Variants in IMMP2L observed in about 807,000 individuals in gnomAD.
The protein encoded by IMMP2L is inner mitochondrial membrane peptidase subunit 2.
A neutral mutation model predicts 19.3 loss-of-function variants in IMMP2L; 18 were observed. The ratio of observed to expected loss-of-function variants is 0.93; its 90% CI spans 0.64 to 1.38. The LOEUF (loss-of-function observed/expected upper bound fraction) is 1.38, where lower values mean the gene tolerates loss of function less well. Among genes scored for constraint, IMMP2L ranks in the 40% most tolerant of loss-of-function variants. The pLI is 0.00. For missense variants in IMMP2L, 233 were observed against 218.2 expected (o/e 1.07, Z -0.43); for synonymous variants, 76 against 73.0 (o/e 1.04, Z -0.21).
At chr7:111,434,711 G>A (rs1158492399) in intron 3 of IMMP2L, among the ~76,000 whole-genome samples, 1 of 151,572 alleles carries the variant, frequency 6.6e-6, no homozygotes, top group African/African-American at 2.4e-5. Context: ...CTTCCACCAT[G>A]CCCAGCTAAT....
intron 4 of IMMP2L, among the ~76,000 whole-genome samples, chr7:110,902,721 G>A (rs1387350464): frequency 5.1e-5 from 2 of 39,554 alleles, no homozygotes; most frequent in Non-Finnish European, 8.6e-5. Context: ...TCAGGAGATC[G>A]AGACCATCCC....
intron 3 of IMMP2L, among the ~76,000 whole-genome samples, chr7:111,022,045 A>C (rs535885051): frequency 2.6e-5 from 4 of 152,298 alleles, no homozygotes; most frequent in African/African-American, 9.6e-5. Context: ...GACACAGCCA[A>C]ACCATATCAC....
intron 3 of IMMP2L, among the ~76,000 whole-genome samples, chr7:111,346,828 G>A (rs903156549): frequency 6.6e-6 from 1 of 152,066 alleles, no homozygotes; most frequent in African/African-American, 2.4e-5. Flanking sequence ...ATGTGGCTCT[G>A]GTCAGACTCT....
chr7:110,848,646 G>A (rs1805903601), intron 5 of IMMP2L, among the ~76,000 whole-genome samples: 1 of 152,110 alleles, frequency 6.6e-6, no homozygotes, highest in African/African-American at 2.4e-5. Flanking sequence ...CCAAAACTGG[G>A]AAGCAATCAA....
intron 5 of IMMP2L, among the ~76,000 whole-genome samples, chr7:110,717,719 G>C (rs17476724): frequency 0.09 from 13,649 of 152,244 alleles, 642 homozygotes; most frequent in Middle Eastern, 0.16. Flanking sequence ...TAGGCAATTA[G>C]AAAGTCATTA....
intron 3 of IMMP2L, among the ~76,000 whole-genome samples, chr7:111,395,697 T>A (rs1392611337): frequency 2.6e-5 from 4 of 152,292 alleles, no homozygotes; most frequent in African/African-American, 9.6e-5. Flanking sequence ...GTACTAAAAA[T>A]ACACAACTAT....
intron 3 of IMMP2L, among the ~76,000 whole-genome samples, chr7:111,110,828 T>A (rs979802733): frequency 6.6e-6 from 1 of 152,284 alleles, no homozygotes; most frequent in East Asian, 1.9e-4. Flanking sequence ...ACAGTAAAGT[T>A]AGGTGAATGT....
At chr7:110,899,456 T>C (rs1465265644) in intron 4 of IMMP2L, among the ~76,000 whole-genome samples, 1 of 152,184 alleles carries the variant, frequency 6.6e-6, no homozygotes, top group East Asian at 1.9e-4. Flanking sequence ...AGAATTGCCA[T>C]ACTACATTCC....
chr7:111,090,794 G>A (rs777551907), intron 3 of IMMP2L, among the ~76,000 whole-genome samples: 4 of 152,016 alleles, frequency 2.6e-5, no homozygotes, highest in Non-Finnish European at 5.9e-5. Context: ...TAATATTTAG[G>A]AAATCCTTAT....
intron 4 of IMMP2L, among the ~76,000 whole-genome samples, chr7:110,898,984 C>A (rs1811597100): frequency 6.6e-6 from 1 of 151,978 alleles, no homozygotes; most frequent in Non-Finnish European, 1.5e-5. Context: ...ACTCTTTAAT[C>A]AAGACATATG....
chr7:110,792,586 C>T (rs2098904993), intron 5 of IMMP2L, among the ~76,000 whole-genome samples: 1 of 152,080 alleles, frequency 6.6e-6, no homozygotes, highest in Non-Finnish European at 1.5e-5. Context: ...TCGATCTCCC[C>T]CACAGTACAG....
chr7:111,158,464 T>G (rs1009455905), intron 3 of IMMP2L, among the ~76,000 whole-genome samples: 1 of 152,130 alleles, frequency 6.6e-6, no homozygotes, highest in African/African-American at 2.4e-5. Flanking sequence ...GTGACAATTA[T>G]GCCTTGAGGT....
chr7:110,898,065 C>T (rs1811500867), intron 4 of IMMP2L, among the ~76,000 whole-genome samples: 2 of 151,352 alleles, frequency 1.3e-5, no homozygotes, highest in African/African-American at 4.8e-5. Flanking sequence ...CCAAAGAAAG[C>T]ATTATGATGT....
intron 4 of IMMP2L, among the ~76,000 whole-genome samples, chr7:110,888,403 G>A (rs1478176010): frequency 5.3e-5 from 8 of 152,232 alleles, no homozygotes; most frequent in African/African-American, 1.4e-4. Context: ...CAGTCCAAAC[G>A]TTTGTTCACC....
At chr7:110,923,662 T>C (rs61136714) in intron 4 of IMMP2L, among the ~76,000 whole-genome samples, 5 of 152,210 alleles carry the variant, frequency 3.3e-5, no homozygotes, top group African/African-American at 1.2e-4. Context: ...ATCTATCAAA[T>C]ATACTTTATA....
intron 5 of IMMP2L, among the ~76,000 whole-genome samples, chr7:110,732,801 T>C (rs10240004): frequency 0.14 from 21,039 of 151,886 alleles, 2,536 homozygotes; most frequent in African/African-American, 0.33. Flanking sequence ...TCTTTTTTTT[T>C]TTTTTTGAGA....
intron 3 of IMMP2L, among the ~76,000 whole-genome samples, chr7:111,240,107 G>C (rs371602347): frequency 6.6e-6 from 1 of 151,814 alleles, no homozygotes; most frequent in Admixed American, 6.6e-5. Context: ...AGTTTTAGTA[G>C]CAGCTCTTAA....
chr7:111,479,174 T>C (rs976239896), intron 3 of IMMP2L, among the ~76,000 whole-genome samples: 1 of 152,184 alleles, frequency 6.6e-6, no homozygotes, highest in Non-Finnish European at 1.5e-5. Flanking sequence ...TCTTAGCTAT[T>C]GCTGCTTGGT....
At chr7:111,274,715 T>C (rs1420611120) in intron 3 of IMMP2L, among the ~76,000 whole-genome samples, 1 of 152,230 alleles carries the variant, frequency 6.6e-6, no homozygotes, top group African/African-American at 2.4e-5. Context: ...AGTATACTGC[T>C]GTGGTTGTTT....
Sources: gnomAD v4.1 joint callset for allele counts (sites outside exome capture counted in the v4.1 genomes callset) on GRCh38, gnomAD v4.1.1 for gene constraint, MANE v1.5 for transcripts, NCBI Gene and HGNC (gene_info 2026-07-23, HGNC 2026-07-21) for gene names.